ZGRF1: variants seen among roughly 807,000 people sequenced by gnomAD.
ZGRF1 encodes the protein zinc finger GRF-type containing 1.
ZGRF1 carries 196 observed loss-of-function variants against 203.5 expected under a neutral mutation model. The ratio of observed to expected loss-of-function variants is 0.96; its 90% CI spans 0.86 to 1.08. The LOEUF (loss-of-function observed/expected upper bound fraction) is 1.08, where lower values mean the gene tolerates loss of function less well. Ranked by LOEUF, ZGRF1 falls within the 50% of genes least tolerant of loss-of-function variation. ZGRF1 has a pLI of 0.00. For missense variants in ZGRF1, 2,326 were observed against 2,416.3 expected (o/e 0.96, Z 0.78); for synonymous variants, 809 against 841.3 (o/e 0.96, Z 0.66).
rs965295627 is a variant in ZGRF1 at position 112,585,718 on chromosome 4, T to C, written c.3924A>G (p.Leu1308=). 1 of 1,516,558 alleles carries C rather than the reference T, an allele frequency of 6.6e-7. No individual in the cohort carries two copies. Among genetic ancestry groups the C allele is most frequent in the Non-Finnish European group, 8.8e-7 (1 of 1,138,516 alleles). 93.9% of individuals were successfully genotyped at this position (1,516,558 alleles called of 1,614,324 possible). A position where few individuals can be genotyped will look rare whatever the true frequency, so the allele number is the denominator to read the frequency against. Residue 1308 remains leucine (L), a synonymous_variant, in exon 14 of 28, where the codon CTA becomes CTG. Coordinates refer to ENST00000505019, the MANE Select transcript of ZGRF1 (RefSeq NM_018392.5). The stretch of plus-strand genomic sequence containing the variant: ...GTGCTAACCCAAACAGCAATATATT[T>C]AGATGTTCTACAAAAAAAAAAAAAA... The part of the protein sequence containing the change: ...QTFTSCLIEH[L]NILLFGLAQN...
chr4:112,596,872 G>A (rs1048287891), intron 10 of ZGRF1, among the ~76,000 whole-genome samples: 1 of 152,046 alleles, frequency 6.6e-6, no homozygotes, highest in African/African-American at 2.4e-5. Flanking sequence ...GGATTATCTA[G>A]CACTTTGGGA....
In ZGRF1 at chr4:112,619,507, T is replaced by G. The variant is rs368267749; in HGVS notation, c.535A>C (p.Ile179Leu). 6.2e-7 allele frequency: 1 copy of G among 1,613,550 alleles called. No homozygotes were observed. Among genetic ancestry groups the G allele is most frequent in the South Asian group, 1.1e-5 (1 of 90,904 alleles). The part of the protein sequence containing the change: ...VNNILADPEN[I>L]VTYKNRERNA... ...CTCTCCCTGTTCTTGTAAGTCACAA[T>G]GTTCTCAGGGTCTGCCAGTATATTA... The change falls in exon 6 of 28, where the codon ATT (isoleucine) becomes CTT (leucine). Residue 179 changes from isoleucine (I) to leucine (L), a missense_variant. By Grantham distance (5) the Ile-to-Leu change is conservative. Transcript: ENST00000505019.
intron 24 of ZGRF1, among the ~76,000 whole-genome samples, chr4:112,541,597 C>T (rs112335726): frequency 0.07 from 10,489 of 149,622 alleles, 494 homozygotes; most frequent in Non-Finnish European, 0.098. Flanking sequence ...GGCATGATCT[C>T]GGCTCACTGC....
chr4:112,550,575 G>A (rs540947730), intron 22 of ZGRF1, among the ~76,000 whole-genome samples: 13 of 152,194 alleles, frequency 8.5e-5, no homozygotes, highest in Middle Eastern at 3.4e-3. Context: ...ACAGTAGGCC[G>A]GGCGCGGTGG....
chr4:112,565,406 C>G, intron 16 of ZGRF1: 1 of 758,372 alleles, frequency 1.3e-6, no homozygotes, highest in Non-Finnish European at 2.2e-6. Flanking sequence ...TTAGAATCCA[C>G]TATGATGGGA....
At position 112,554,791 on chromosome 4, in the gene ZGRF1, A is replaced by G; in HGVS notation, c.5121-9T>C. On this transcript the variant is annotated splice_polypyrimidine_tract_variant and intron_variant, in intron 20 of 27. Coordinates refer to ENST00000505019, the MANE Select transcript of ZGRF1 (RefSeq NM_018392.5). ...ATCCAAGACTGAGAAGCCTTTAAAT[A>G]AGAAAACAATATAGATTCTGATTAT... 1 of 1,435,160 alleles carries G rather than the reference A, an allele frequency of 7.0e-7. No individual in the cohort carries two copies. The allele number at this position is 1,435,160 out of a possible 1,614,324, so 88.9% of individuals were successfully genotyped here.
chr4:112,584,138 C>T lies in ZGRF1; in HGVS notation c.4138G>A (p.Asp1380Asn). ...AGCCATTTAAAGAATTTACATCGAT[C>T]AGCTTTGGGTCCATCACATGTATAA... ...LFYTCDGPKA[D>N]RCKFFKWLED... The change falls in exon 15 of 28, where the codon GAT becomes AAT. Residue 1380 changes from aspartate (D) to asparagine (N), a missense_variant. By Grantham distance (23) the Asp-to-Asn change is conservative (BLOSUM62 1). Transcript: ENST00000505019. The T allele has an allele frequency of 1.2e-6, 2 of 1,613,128 alleles. No individual in the cohort carries two copies. Among genetic ancestry groups the T allele is most frequent in the Non-Finnish European group, 1.7e-6 (2 of 1,179,524 alleles).
At chr4:112,563,358 G>T in intron 16 of ZGRF1, 84 bp from the exon 17 acceptor site, 1 of 989,792 alleles carries the variant, frequency 1.0e-6, no homozygotes, top group Non-Finnish European at 1.5e-6. Flanking sequence ...ATTTGCATAT[G>T]TGTGTACATA....
intron 20 of ZGRF1, among the ~76,000 whole-genome samples, chr4:112,557,913 A>T (rs1369459444): frequency 6.6e-6 from 1 of 152,154 alleles, no homozygotes; most frequent in Admixed American, 6.5e-5. Context: ...GCTGAACTTG[A>T]ATTTTTGCAT....
Position 112,623,856 on chromosome 4 carries a change from T to A in ZGRF1, c.123A>T (p.Lys41Asn), listed in dbSNP as rs758987447. 1 of 1,582,014 alleles carries A rather than the reference T, an allele frequency of 6.3e-7. No individual in the cohort carries two copies. The change falls in exon 4 of 28, where the codon AAA becomes AAT. Residue 41 changes from lysine to asparagine, a missense_variant. By Grantham distance (94) the Lys-to-Asn change is moderately conservative. Coordinates refer to ENST00000505019, the MANE Select transcript of ZGRF1 (RefSeq NM_018392.5). Reference sequence around the variant, plus strand: ...GAAACAGACTCTCCAAACATGCTCCTTTGTCATCATATAAAATTGCCTGTA... The same window carrying A: ...GAAACAGACTCTCCAAACATGCTCCATTGTCATCATATAAAATTGCCTGTA... ...LGNKAILYDD[K>N]GACLESLFLK... is the part of the protein sequence containing the mutation.
Position 112,621,883 on chromosome 4 carries a change from C to T in ZGRF1, c.163-1693G>A, listed in dbSNP as rs1036060864. ...CTGGGATTGCAGGCATGCACCACCA[C>T]GTCCAGCTAATTTTTTGTATGTTTA... On this transcript the variant is annotated intron_variant, in intron 4 of 27. Coordinates refer to ENST00000505019, the MANE Select transcript of ZGRF1 (RefSeq NM_018392.5). Among the ~76,000 whole-genome samples the T allele has an allele frequency of 7.3e-5, 11 of 151,408 alleles. 1 individual carries two copies. The South Asian group carries it at 8.4e-4, about 12-fold the overall frequency.
At chr4:112,547,441 A>T (rs760701512) in intron 23 of ZGRF1, 33 bp from the exon 24 acceptor site, 9 of 1,580,314 alleles carry the variant, frequency 5.7e-6, no homozygotes, top group Non-Finnish European at 7.7e-6. Context: ...AATCTAAGCA[A>T]TTAAAATGGG....
At chr4:112,607,065 AGC>A (rs1750876594) in intron 8 of ZGRF1, among the ~76,000 whole-genome samples, 1 of 152,222 alleles carries the variant, frequency 6.6e-6, no homozygotes, top group African/African-American at 2.4e-5. Flanking sequence ...CTTATATATA[AGC>A]ACAACTGCCA....
intron 8 of ZGRF1, among the ~76,000 whole-genome samples, chr4:112,607,267 G>A (rs889621323): frequency 2.6e-5 from 4 of 152,088 alleles, no homozygotes; most frequent in Non-Finnish European, 4.4e-5. Context: ...GGGACTACAA[G>A]CATGTGCCAC....
intron 16 of ZGRF1, among the ~76,000 whole-genome samples, chr4:112,577,979 T>A (rs1364516328): frequency 8.1e-6 from 1 of 122,792 alleles, no homozygotes; most frequent in African/African-American, 2.8e-5. Context: ...GAATATACAT[T>A]CTTTTCAGCA....
At chr4:112,597,629 A>C (rs969438648) in intron 10 of ZGRF1, among the ~76,000 whole-genome samples, 1 of 152,146 alleles carries the variant, frequency 6.6e-6, no homozygotes, top group African/African-American at 2.4e-5. Flanking sequence ...CTGTAATCCC[A>C]GCACTTTTGG....
At position 112,633,163 on chromosome 4, in the gene ZGRF1, T is replaced by A. The variant is rs1359323387; in HGVS notation, c.14A>T (p.Glu5Val). 2 of 1,609,996 alleles carry A rather than the reference T, an allele frequency of 1.2e-6. No homozygotes were observed. The highest frequency in any genetic ancestry group is 3.4e-5 in the Admixed American group (2 of 59,698). Residue 5 changes from glutamate to valine, a missense_variant, in exon 2 of 28, where the codon GAA becomes GTA. Glu to Val is a moderately radical substitution (Grantham distance 121, BLOSUM62 -2). Coordinates refer to ENST00000505019, the MANE Select transcript of ZGRF1 (RefSeq NM_018392.5). The stretch of plus-strand genomic sequence containing the variant: ...AAAAATGGTAAAACTTACAATAAAT[T>A]CTTGGCTTTCCATTATTTCTTCTGA... MESQEFIVLYTHQKM... is the reference protein window; with the variant it reads MESQVFIVLYTHQKM...
At chr4:112,619,753 G>T in intron 5 of ZGRF1, 63 bp from the exon 6 acceptor site, 1 of 1,292,836 alleles carries the variant, frequency 7.7e-7, no homozygotes, top group Non-Finnish European at 1.1e-6. Flanking sequence ...GAAATGAACT[G>T]GCTAAGAAAA....
chr4:112,601,663 A>G (rs1382707263), intron 10 of ZGRF1, among the ~76,000 whole-genome samples: 1 of 151,848 alleles, frequency 6.6e-6, no homozygotes, highest in Non-Finnish European at 1.5e-5. Flanking sequence ...GCTTGAGTCC[A>G]AGAAGTTGAG....
Sources: gnomAD v4.1 joint callset for allele counts (sites outside exome capture counted in the v4.1 genomes callset) on GRCh38, gnomAD v4.1.1 for gene constraint, MANE v1.5 for transcripts, NCBI Gene and HGNC (gene_info 2026-07-23, HGNC 2026-07-21) for gene names.